ZBTB20: variants seen among roughly 807,000 people sequenced by gnomAD.
The protein encoded by ZBTB20 is zinc finger and BTB domain-containing protein 20.
In ZBTB20, 9 loss-of-function variants were observed where a neutral mutation model predicts 56.9. The observed-to-expected ratio is 0.16, with a 90% CI of 0.10 to 0.28. ZBTB20 has a LOEUF of 0.28. Ranked by LOEUF, ZBTB20 falls within the 10% of genes least tolerant of loss-of-function variation. The probability of loss-of-function intolerance (pLI) is 1.00; values close to 1 mark genes in which losing one functional copy is unlikely to be tolerated. For missense variants in ZBTB20, 655 were observed against 1,003.0 expected, an observed-to-expected ratio of 0.65 and a Z score of 4.69; for synonymous variants, 417 against 420.7, an observed-to-expected ratio of 0.99 and a Z score of 0.11.
rs373991342 is a variant in ZBTB20, at chr3:114,865,202, G to A, written c.-417+35102C>T. On this transcript the variant is annotated intron_variant, in intron 4 of 11. Coordinates refer to ENST00000675478, the MANE Select transcript of ZBTB20 (RefSeq NM_001348800.3). Reference sequence around the variant, plus strand: ...CAAGAATTGAGTCAACACTTCTAGGGCTTCTACCCCTCAACTATGCATTTC... The same window carrying A: ...CAAGAATTGAGTCAACACTTCTAGGACTTCTACCCCTCAACTATGCATTTC... Among the ~76,000 whole-genome samples, 8 of 152,156 alleles carry A rather than the reference G, an allele frequency of 5.3e-5. No individual in the cohort carries two copies. In the South Asian group the frequency reaches 1.2e-3, roughly 24 times the overall value.
chr3:115,115,611 GAT>G (rs1306762017), intron 1 of ZBTB20, among the ~76,000 whole-genome samples: 3 of 152,014 alleles, frequency 2.0e-5, no homozygotes, highest in Admixed American at 2.0e-4. Context: ...TGACAAATGT[GAT>G]AGTTTGTTGC....
chr3:114,965,083 G>A (rs557976586), intron 3 of ZBTB20, among the ~76,000 whole-genome samples: 14 of 152,184 alleles, frequency 9.2e-5, no homozygotes, highest in Admixed American at 2.6e-4. Context: ...ATACCCCAGG[G>A]AATCCTGAGA....
At chr3:115,116,739 A>G (rs571959966) in intron 1 of ZBTB20, among the ~76,000 whole-genome samples, 2 of 152,200 alleles carry the variant, frequency 1.3e-5, no homozygotes, top group African/African-American at 4.8e-5. Flanking sequence ...AGACAGAGAG[A>G]AAGAAAAAGA....
At position 114,328,339 on chromosome 3, in the gene ZBTB20, G is replaced by C. The variant is rs1462294549; in HGVS notation, c.*10666C>G. 2 of 151,980 alleles carry C rather than the reference G, an allele frequency of 1.3e-5. No individual in the cohort carries two copies. Among genetic ancestry groups the C allele is most frequent in the Non-Finnish European group, 2.9e-5 (2 of 67,994 alleles). The allele number at this position is 151,980 out of a possible 1,614,324, so 9.4% of individuals were successfully genotyped here. On this transcript the variant is annotated 3_prime_UTR_variant, in exon 12 of 12. Coordinates refer to ENST00000675478, the MANE Select transcript of ZBTB20 (RefSeq NM_001348800.3). Reference sequence around the variant, plus strand: ...AGAAGAGCTCACTAAGGCTTGAACAGTTATCAAAATTATTTTGAAATGTTA... The same window carrying C: ...AGAAGAGCTCACTAAGGCTTGAACACTTATCAAAATTATTTTGAAATGTTA...
chr3:115,067,543 TAA>T (rs77914966), intron 2 of ZBTB20, among the ~76,000 whole-genome samples: 4 of 131,128 alleles, frequency 3.1e-5, no homozygotes, highest in African/African-American at 2.8e-5. Context: ...GAAAAATCAG[TAA>T]AAAAAAAAAA....
At position 114,350,551 on chromosome 3, in the gene ZBTB20, T is replaced by A. The variant is rs555088993; in HGVS notation, c.1527A>T (p.Pro509=). 6.2e-7 allele frequency: 1 copy of A among 1,614,134 alleles called. No individual in the cohort carries two copies. The highest frequency in any genetic ancestry group is 1.1e-5 in the South Asian group (1 of 91,076). The change falls in exon 11 of 12, where the codon CCA becomes CCT. Residue 509 remains proline, a synonymous_variant. Coordinates refer to ENST00000675478, the MANE Select transcript of ZBTB20 (RefSeq NM_001348800.3). ...CCGCGGGCTGGGTAGTGAAGAGGGC[T>A]GGCAGGTAGGTGTTGCCAGCTGTGC... ...VIGTAGNTYL[P]ALFTTQPAGS... is the part of the protein sequence containing the mutation.
At chr3:114,989,059 C>G (rs982465304) in intron 2 of ZBTB20, among the ~76,000 whole-genome samples, 5 of 152,058 alleles carry the variant, frequency 3.3e-5, no homozygotes, top group African/African-American at 1.2e-4. Context: ...GTTGCCTGTT[C>G]ACTCTGATGG....
At chr3:114,467,735 A>C (rs2092608456) in intron 7 of ZBTB20, among the ~76,000 whole-genome samples, 1 of 152,246 alleles carries the variant, frequency 6.6e-6, no homozygotes, top group African/African-American at 2.4e-5. Context: ...GTAGTTAGCA[A>C]GATCCAAACT....
At chr3:114,676,846 C>A (rs2061658711) in intron 6 of ZBTB20, among the ~76,000 whole-genome samples, 2 of 144,534 alleles carry the variant, frequency 1.4e-5, no homozygotes, top group Non-Finnish European at 3.0e-5. Flanking sequence ...ACGATCTGGG[C>A]TCACTGCAAT....
chr3:114,787,486 G>A (rs895007315), intron 5 of ZBTB20, among the ~76,000 whole-genome samples: 103 of 148,720 alleles, frequency 6.9e-4, no homozygotes, highest in African/African-American at 2.4e-3. Flanking sequence ...TATATGACAC[G>A]TATACATATA....
chr3:115,122,649 T>C (rs1015843518), intron 1 of ZBTB20, among the ~76,000 whole-genome samples: 5 of 152,072 alleles, frequency 3.3e-5, no homozygotes, highest in African/African-American at 4.8e-5. Flanking sequence ...TGCCTTCCCA[T>C]TGAACATTTG....
At chr3:114,398,501 A>C (rs73857113) in intron 7 of ZBTB20, among the ~76,000 whole-genome samples, 36,698 of 152,028 alleles carry the variant, frequency 0.24, 6,575 homozygotes, top group African/African-American at 0.5. Flanking sequence ...CATTGCCCTG[A>C]AAATGATACC....
rs1276038428 is a variant in ZBTB20, at chr3:114,316,993, T to G, written c.*22012A>C. On this transcript the variant is annotated 3_prime_UTR_variant, in exon 12 of 12. Transcript: ENST00000675478. ...GCTAACTTTGACTATAATGGACTTG[T>G]GCAGTTCCTGTTGGCCTCGGCTAAG... The G allele has an allele frequency of 5.8e-6, 1 of 172,346 alleles. No homozygotes were observed. The highest frequency in any genetic ancestry group is 1.8e-4 in the East Asian group (1 of 5,610). The allele number at this position is 172,346 out of a possible 1,614,324, so 10.7% of individuals were successfully genotyped here.
chr3:114,906,450 A>G (rs2075320529), intron 3 of ZBTB20, among the ~76,000 whole-genome samples: 2 of 151,662 alleles, frequency 1.3e-5, no homozygotes, highest in Admixed American at 1.3e-4. Flanking sequence ...ACCACTTTCA[A>G]TTAGAAGTTT....
In ZBTB20 at chr3:114,330,777, A is replaced by G. The variant is rs2079220496; in HGVS notation, c.*8228T>C. 8.1e-6 allele frequency: 1 copy of G among 122,894 alleles called. No homozygotes were observed. Among genetic ancestry groups the G allele is most frequent in the Non-Finnish European group, 1.8e-5 (1 of 54,588 alleles). 7.6% of individuals were successfully genotyped at this position (122,894 alleles called of 1,614,324 possible). The stretch of plus-strand genomic sequence containing the variant: ...ATGTACAAATCATAAAAAATAACAA[A>G]CCATCTAGTAAAAGAAGGGCATGGG... On this transcript the variant is annotated 3_prime_UTR_variant, in exon 12 of 12. Coordinates refer to ENST00000675478, the MANE Select transcript of ZBTB20 (RefSeq NM_001348800.3).
chr3:114,439,214 A>G (rs2090745045), intron 7 of ZBTB20, among the ~76,000 whole-genome samples: 1 of 152,072 alleles, frequency 6.6e-6, no homozygotes, highest in African/African-American at 2.4e-5. Context: ...AGCAGAAGTC[A>G]CTAAAAAGAA....
chr3:114,655,784 TACATACTTCATATCTGCA>T (rs2060379774), intron 6 of ZBTB20, among the ~76,000 whole-genome samples: 1 of 152,210 alleles, frequency 6.6e-6, no homozygotes, highest in African/African-American at 2.4e-5. Context: ...GTAGTATTTT[TACATACTTCATATCTGCA>T]AGTACTATAG....
chr3:114,350,245 G>T (rs953324139), intron 11 of ZBTB20, 29 bp downstream of exon 11: 2 of 1,567,702 alleles, frequency 1.3e-6, no homozygotes, highest in Admixed American at 1.7e-5. Context: ...AGCCCCTGCT[G>T]CCAGGCCTCC....
chr3:115,142,712 G>T (rs1428382406), intron 1 of ZBTB20, among the ~76,000 whole-genome samples: 1 of 150,854 alleles, frequency 6.6e-6, no homozygotes, highest in Non-Finnish European at 1.5e-5. Flanking sequence ...TAGTTATAAA[G>T]TCTGTTTCCT....
Sources: allele counts gnomAD v4.1 joint callset (sites outside exome capture counted in the v4.1 genomes callset), GRCh38; gene constraint gnomAD v4.1.1; transcripts MANE v1.5; gene names NCBI Gene and HGNC (gene_info 2026-07-23, HGNC 2026-07-21).